SAMMSON: variants seen among roughly 807,000 people sequenced by gnomAD.
The protein encoded by SAMMSON is long intergenic non-protein coding RNA 1212.
intron 4 of SAMMSON, among the ~76,000 whole-genome samples, chr3:70,221,361 T>C (rs1169481681): frequency 6.6e-6 from 1 of 152,170 alleles, no homozygotes; most frequent in South Asian, 2.1e-4. Flanking sequence ...TCAATTTTCC[T>C]AGTGAGGAGA....
At chr3:70,286,440 C>A (rs1392085330) in intron 6 of SAMMSON, among the ~76,000 whole-genome samples, 1 of 151,732 alleles carries the variant, frequency 6.6e-6, no homozygotes, top group African/African-American at 2.4e-5. Context: ...GTACCAGTAC[C>A]ATGCTGTTTT....
At chr3:70,244,207 C>A (rs991691088) in intron 4 of SAMMSON, among the ~76,000 whole-genome samples, 1 of 152,162 alleles carries the variant, frequency 6.6e-6, no homozygotes, top group Non-Finnish European at 1.5e-5. Flanking sequence ...TAACAAGATG[C>A]TTCCTTACTC....
At chr3:70,128,731 C>G (rs1394132589) in intron 4 of SAMMSON, among the ~76,000 whole-genome samples, 1 of 152,114 alleles carries the variant, frequency 6.6e-6, no homozygotes, top group Non-Finnish European at 1.5e-5. Flanking sequence ...TGACATGAAC[C>G]TGAGAGGTCC....
At chr3:70,240,822 A>G (rs1022367360) in intron 4 of SAMMSON, among the ~76,000 whole-genome samples, 2 of 152,138 alleles carry the variant, frequency 1.3e-5, no homozygotes, top group African/African-American at 4.8e-5. Flanking sequence ...AATAATTAAG[A>G]TATTAAGTGG....
At chr3:70,285,425 T>C (rs1389198256) in intron 6 of SAMMSON, among the ~76,000 whole-genome samples, 5 of 152,146 alleles carry the variant, frequency 3.3e-5, no homozygotes, top group African/African-American at 4.8e-5. Context: ...CTATGGTGTA[T>C]ATATGCCACA....
At chr3:70,401,940 T>A (rs1336927994) in intron 2 of SAMMSON, among the ~76,000 whole-genome samples, 1 of 152,222 alleles carries the variant, frequency 6.6e-6, no homozygotes, top group African/African-American at 2.4e-5. Context: ...GCTTGTCCTC[T>A]TCCTAATCAC....
At chr3:70,406,997 T>C (rs1008146494) in intron 2 of SAMMSON, among the ~76,000 whole-genome samples, 1 of 152,192 alleles carries the variant, frequency 6.6e-6, no homozygotes, top group Non-Finnish European at 1.5e-5. Context: ...CTCAGAATCA[T>C]GGTGGGAGGC....
chr3:70,404,186 A>G (rs1701162079), intron 2 of SAMMSON, among the ~76,000 whole-genome samples: 1 of 152,084 alleles, frequency 6.6e-6, no homozygotes, highest in Non-Finnish European at 1.5e-5. Flanking sequence ...TATGATCATT[A>G]TAATGGTGCT....
chr3:70,196,027 C>T (rs34784904), intron 4 of SAMMSON, among the ~76,000 whole-genome samples: 4,071 of 152,220 alleles, frequency 0.027, 95 homozygotes, highest in Non-Finnish European at 0.04. Flanking sequence ...GTACCCTCAA[C>T]GCTTATTTCT....
intron 3 of SAMMSON, chr3:70,030,857 A>G (rs1409090567): frequency 6.6e-6 from 1 of 152,168 alleles, no homozygotes; most frequent in East Asian, 1.9e-4. Flanking sequence ...ACCACTTCAC[A>G]CTCATTATGT....
At chr3:70,040,919 G>A (rs543397971) in intron 3 of SAMMSON, among the ~76,000 whole-genome samples, 238 of 152,242 alleles carry the variant, frequency 1.6e-3, no homozygotes, top group African/African-American at 5.5e-3. Context: ...CAATGATTTG[G>A]TCTAAATCCA....
chr3:70,221,781 G>A (rs1191366956), intron 4 of SAMMSON, among the ~76,000 whole-genome samples: 1 of 152,130 alleles, frequency 6.6e-6, no homozygotes, highest in Admixed American at 6.5e-5. Flanking sequence ...ATTATATCGA[G>A]CATCATTGTT....
intron 3 of SAMMSON, among the ~76,000 whole-genome samples, chr3:70,050,514 T>C (rs2067142065): frequency 6.6e-6 from 1 of 152,152 alleles, no homozygotes; most frequent in African/African-American, 2.4e-5. Flanking sequence ...GAGACCTGTA[T>C]GTGGTGCTTG....
At chr3:70,029,234 A>G (rs747500110) in intron 3 of SAMMSON, among the ~76,000 whole-genome samples, 10 of 116,516 alleles carry the variant, frequency 8.6e-5, no homozygotes, top group Middle Eastern at 4.2e-3. Flanking sequence ...CCAGACACAT[A>G]CATAATAATA....
At chr3:70,041,047 A>G (rs1465192660) in intron 3 of SAMMSON, among the ~76,000 whole-genome samples, 4 of 152,130 alleles carry the variant, frequency 2.6e-5, no homozygotes, top group Non-Finnish European at 5.9e-5. Context: ...CTTGCAGTAA[A>G]TTTGAAAGCA....
In SAMMSON at chr3:70,059,237, C is replaced by T. The variant is rs114184688; in HGVS notation, n.418-12239C>T. Among the ~76,000 whole-genome samples, 370 of 151,928 alleles carry T rather than the reference C, an allele frequency of 2.4e-3. 1 individual carries two copies. Among genetic ancestry groups the T allele is most frequent in the African/African-American group, 8.3e-3 (345 of 41,454 alleles). On this transcript the variant is annotated intron_variant and non_coding_transcript_variant, in intron 3 of 9. Coordinates refer to ENST00000642114, the Ensembl canonical transcript of SAMMSON. ...AGAAATTTAATTTTAAATCAGAGGA[C>T]GAGAACATTAGGTAAGCATTTTAGA...
chr3:70,206,457 G>A (rs1460236914), intron 4 of SAMMSON: 14 of 394,898 alleles, frequency 3.5e-5, no homozygotes, highest in Middle Eastern at 6.4e-4. Flanking sequence ...CGAAGTCTTC[G>A]TGTTTAATAT....
At chr3:70,166,888 GC>G (rs1364570996) in intron 4 of SAMMSON, among the ~76,000 whole-genome samples, 1 of 151,878 alleles carries the variant, frequency 6.6e-6, no homozygotes, top group East Asian at 1.9e-4. Context: ...GATAGGTGGG[GC>G]TAGACATTAT....
At chr3:70,273,892 T>C (rs1053962648) in intron 6 of SAMMSON, among the ~76,000 whole-genome samples, 2 of 152,142 alleles carry the variant, frequency 1.3e-5, no homozygotes, top group Non-Finnish European at 2.9e-5. Flanking sequence ...AGACTTGAAC[T>C]CCTAGGCTCA....
Sources: gnomAD v4.1 joint callset for allele counts (sites outside exome capture counted in the v4.1 genomes callset) on GRCh38, gnomAD v4.1.1 for gene constraint, MANE v1.5 for transcripts, NCBI Gene and HGNC (gene_info 2026-07-23, HGNC 2026-07-21) for gene names.